PHLDB2: variants seen among roughly 807,000 people sequenced by gnomAD.
The protein encoded by PHLDB2 is pleckstrin homology-like domain family B member 2.
PHLDB2 carries 71 observed loss-of-function variants against 123.6 expected under a neutral mutation model. The ratio of observed to expected loss-of-function variants is 0.57; its 90% CI spans 0.47 to 0.70. The LOEUF is 0.70. Ranked by LOEUF, PHLDB2 falls within the 30% of genes least tolerant of loss-of-function variation. PHLDB2 has a pLI of 0.00. For synonymous variants in PHLDB2, 547 were observed against 541.6 expected (o/e 1.01, Z -0.14); for missense variants, 1,446 against 1,519.5 (o/e 0.95, Z 0.80).
Position 111,884,899 on chromosome 3 carries a change from A to G in PHLDB2, c.822A>G (p.Pro274=). 1 of 1,614,152 alleles carries G rather than the reference A, an allele frequency of 6.2e-7. No homozygotes were observed. The highest frequency in any genetic ancestry group is 1.3e-5 in the African/African-American group (1 of 75,052). The change falls in exon 2 of 18, where the codon CCA becomes CCG. Residue 274 remains proline, a synonymous_variant. Transcript: ENST00000431670. ...AGCTGACACCTCTCAGCTTGCCTCC[A>G]AGAAACTCTCTGGGCAATTCCAAAC... ...ENQLTPLSLP[P]RNSLGNSKRT... is the part of the protein sequence containing the mutation.
At chr3:111,973,658 T>C in intron 16 of PHLDB2, 74 bp from the exon 17 acceptor site, 1 of 813,708 alleles carries the variant, frequency 1.2e-6, no homozygotes, top group South Asian at 1.8e-5. Context: ...TTAATGATTA[T>C]AATTGTAATA....
intron 1 of PHLDB2, among the ~76,000 whole-genome samples, chr3:111,875,439 C>T (rs572484909): frequency 9.9e-5 from 15 of 151,856 alleles, no homozygotes; most frequent in Non-Finnish European, 2.1e-4. Flanking sequence ...TGTGAGGCAC[C>T]ACGCCTGGCA....
intron 1 of PHLDB2, among the ~76,000 whole-genome samples, chr3:111,758,181 T>G (rs2059930531): frequency 6.6e-6 from 1 of 152,062 alleles, no homozygotes; most frequent in Non-Finnish European, 1.5e-5. Flanking sequence ...GCTGTCTTTT[T>G]GTTTGTCTGT....
chr3:111,756,855 ATC>A (rs1056011308), intron 1 of PHLDB2, among the ~76,000 whole-genome samples: 5 of 151,966 alleles, frequency 3.3e-5, no homozygotes, highest in East Asian at 1.9e-4. Flanking sequence ...TGGTGACAAA[ATC>A]TCTCAGCATT....
chr3:111,952,436 A>AGC, intron 10 of PHLDB2, 136 bp from the exon 11 acceptor site: 1 of 862,556 alleles, frequency 1.2e-6, no homozygotes, highest in Non-Finnish European at 1.7e-6. Context: ...CAGTGAACAC[A>AGC]ATATATGTTG....
At chr3:111,865,650 G>A (rs1029434458) in intron 1 of PHLDB2, among the ~76,000 whole-genome samples, 2 of 152,026 alleles carry the variant, frequency 1.3e-5, no homozygotes, top group African/African-American at 4.8e-5. Flanking sequence ...CCAGAACTAA[G>A]ATGGATCTTC....
At chr3:111,845,203 A>G (rs9869555) in intron 1 of PHLDB2, among the ~76,000 whole-genome samples, 22,865 of 151,686 alleles carry the variant, frequency 0.15, 1,901 homozygotes, top group Admixed American at 0.18. Flanking sequence ...AAATACAAAA[A>G]AATTAGCCAG....
intron 12 of PHLDB2, 190 bp from the exon 13 acceptor site, chr3:111,961,918 A>G (rs897153428): frequency 1.7e-6 from 1 of 596,064 alleles, no homozygotes; most frequent in Non-Finnish European, 2.9e-6. Flanking sequence ...TCAGCAGACC[A>G]CTTCATTCAA....
intron 3 of PHLDB2, chr3:111,917,179 A>G (rs2068232239): frequency 6.6e-6 from 1 of 152,164 alleles, no homozygotes; most frequent in Admixed American, 6.5e-5. Flanking sequence ...AAAAAACTAC[A>G]AACATTTCCT....
Position 111,780,366 on chromosome 3 carries a change from A to G in PHLDB2, c.-49+47663A>G, listed in dbSNP as rs867989707. 2.2e-3 allele frequency among the ~76,000 whole-genome samples: 75 copies of G among 34,604 alleles called. 2 individuals carry two copies. The highest frequency in any genetic ancestry group is 0.021 in the East Asian group (4 of 192). 22.7% of individuals were successfully genotyped at this position (34,604 alleles called of 152,430 possible). On this transcript the variant is annotated intron_variant, in intron 1 of 17. Coordinates refer to the PHLDB2 transcript ENST00000393923. ...AAGAAGAAGAAGAAGAAGAAGAAGA[A>G]GAAGAAGAAGAAGAAGAAGAAGAAG...
chr3:111,909,215 T>C (rs1156474618), intron 2 of PHLDB2, among the ~76,000 whole-genome samples: 1 of 152,188 alleles, frequency 6.6e-6, no homozygotes, highest in African/African-American at 2.4e-5. Context: ...TTGTGTACTG[T>C]TTACCCATCT....
intron 1 of PHLDB2, among the ~76,000 whole-genome samples, chr3:111,836,934 T>C (rs1434916639): frequency 6.6e-6 from 1 of 152,126 alleles, no homozygotes; most frequent in Non-Finnish European, 1.5e-5. Context: ...CCAAACCATA[T>C]CAAATCTACA....
intron 1 of PHLDB2, chr3:111,732,823 T>C (rs1239313885): frequency 4.0e-6 from 3 of 747,426 alleles, no homozygotes; most frequent in Non-Finnish European, 6.5e-6. Context: ...GACCCGGGTG[T>C]GTGTCTGAAT....
At chr3:111,762,551 T>A (rs944166219) in intron 1 of PHLDB2, among the ~76,000 whole-genome samples, 6 of 152,268 alleles carry the variant, frequency 3.9e-5, no homozygotes, top group Middle Eastern at 3.4e-3. Flanking sequence ...CACAGGCCTC[T>A]AAGTGTGATC....
chr3:111,737,352 G>T (rs1191194040), intron 1 of PHLDB2, among the ~76,000 whole-genome samples: 1 of 151,996 alleles, frequency 6.6e-6, no homozygotes, highest in East Asian at 1.9e-4. Flanking sequence ...ATACTTTTTG[G>T]TCCCCATTTC....
chr3:111,925,226 A>G (rs951354086), intron 5 of PHLDB2, among the ~76,000 whole-genome samples: 5 of 152,230 alleles, frequency 3.3e-5, no homozygotes, highest in Non-Finnish European at 5.9e-5. Flanking sequence ...TTAGGAATGC[A>G]TTTTATTTTG....
At chr3:111,751,085 C>G (rs2059764075) in intron 1 of PHLDB2, among the ~76,000 whole-genome samples, 1 of 151,670 alleles carries the variant, frequency 6.6e-6, no homozygotes, top group South Asian at 2.1e-4. Flanking sequence ...GAAAATTGTT[C>G]TAAGCCAACC....
chr3:111,972,064 G>GA (rs1207540128), intron 16 of PHLDB2, among the ~76,000 whole-genome samples: 2 of 152,172 alleles, frequency 1.3e-5, no homozygotes, highest in Admixed American at 6.5e-5. Context: ...TCTCATATAT[G>GA]AAGTGCCCTG....
chr3:111,805,496 G>T lies in PHLDB2; in HGVS notation c.-48-40325G>T, dbSNP rs896739981. Reference sequence around the variant, plus strand: ...GAATGGCACGAACCTGGGAGGCGGAGCTTGCAGTGAGCCGAGATTGCGCCG... The same window carrying T: ...GAATGGCACGAACCTGGGAGGCGGATCTTGCAGTGAGCCGAGATTGCGCCG... On this transcript the variant is annotated intron_variant, in intron 1 of 17. Coordinates refer to the PHLDB2 transcript ENST00000393923. Among the ~76,000 whole-genome samples the T allele has an allele frequency of 8.9e-5, 13 of 146,728 alleles. 2 individuals are homozygous for T. In the East Asian group the frequency reaches 1.7e-3, roughly 19 times the overall value.
Sources: allele counts gnomAD v4.1 joint callset (sites outside exome capture counted in the v4.1 genomes callset), GRCh38; gene constraint gnomAD v4.1.1; transcripts MANE v1.5; gene names NCBI Gene and HGNC (gene_info 2026-07-23, HGNC 2026-07-21).